Variants in APBB1 observed in about 807,000 individuals in gnomAD.
The protein encoded by APBB1 is amyloid beta precursor protein binding family B member 1.
In APBB1, 22 loss-of-function variants were observed where a neutral mutation model predicts 78.4. That is an observed-to-expected ratio of 0.28 (90% confidence interval 0.20 to 0.40). The LOEUF is 0.40. APBB1 is among the 10% of genes least tolerant of loss of function. APBB1 has a pLI of 1.00. For synonymous variants in APBB1, 369 were observed against 372.7 expected, an observed-to-expected ratio of 0.99 and a Z score of 0.12; for missense variants, 749 against 932.4, an observed-to-expected ratio of 0.80 and a Z score of 2.56.
rs746587329 is a variant in APBB1, at chr11:6,403,639, A to G, written c.897+8T>C. On this transcript the variant is annotated splice_region_variant and intron_variant, in intron 3 of 14. Transcript: ENST00000609360. This position sits in a 1 kb window ranked among gnomAD's most constrained non-coding sequence, Gnocchi z 5.3. ...CTGGCCCAAAATCAACAGGCCTGTG[A>G]GCCTCACCTGGGACTCCTCTTGGGG... is the stretch of plus-strand genomic sequence containing the variant. 6.2e-7 allele frequency: 1 copy of G among 1,610,862 alleles called. No individual in the cohort carries two copies. The highest frequency in any genetic ancestry group is 8.5e-7 in the Non-Finnish European group (1 of 1,177,878).
Position 6,401,075 on chromosome 11 carries a change from A to G in APBB1, c.1589-3T>C. 1.2e-6 allele frequency: 2 copies of G among 1,614,100 alleles called. No homozygotes were observed. The highest frequency in any genetic ancestry group is 1.7e-6 in the Non-Finnish European group (2 of 1,180,022). On this transcript the variant is annotated splice_region_variant and splice_polypyrimidine_tract_variant and intron_variant, in intron 11 of 14. Transcript: ENST00000609360. This position sits in a 1 kb window ranked among gnomAD's most constrained non-coding sequence, Gnocchi z 4.5. ...ATTCTTAGGCGCTGGGAATTCCACT[A>G]TGGGAAAGAAGAGAAGGTTGATCAT... is the stretch of plus-strand genomic sequence containing the variant.
At chr11:6,399,876 C>G (rs1357213251) in intron 12 of APBB1, among the ~76,000 whole-genome samples, 1 of 152,116 alleles carries the variant, frequency 6.6e-6, no homozygotes. Flanking sequence ...CACTGTAGAC[C>G]CTGATCTTCC....
chr11:6,406,875 C>T (rs1238887997), intron 2 of APBB1, among the ~76,000 whole-genome samples: 1 of 152,182 alleles, frequency 6.6e-6, no homozygotes, highest in Non-Finnish European at 1.5e-5. Flanking sequence ...ATCATAACCA[C>T]TTGTTTCTTT....
chr11:6,407,123 C>A (rs1037303781), intron 2 of APBB1, among the ~76,000 whole-genome samples: 2 of 152,230 alleles, frequency 1.3e-5, no homozygotes, highest in Admixed American at 1.3e-4. Context: ...ATTCTAGCCT[C>A]ATTTCTGCAG....
chr11:6,401,823 G>C lies in APBB1; in HGVS notation c.1389-135C>G, dbSNP rs758371804. 1 of 1,421,136 alleles carries C rather than the reference G, an allele frequency of 7.0e-7. No individual in the cohort carries two copies. The highest frequency in any genetic ancestry group is 1.4e-5 in the African/African-American group (1 of 71,128). The allele number at this position is 1,421,136 out of a possible 1,614,324, so 88.0% of individuals were successfully genotyped here. A position where few individuals can be genotyped will look rare whatever the true frequency, so the allele number is the denominator to read the frequency against. On this transcript the variant is annotated intron_variant, in intron 9 of 14. Coordinates refer to ENST00000609360, the MANE Select transcript of APBB1 (RefSeq NM_001164.5). This position sits in a 1 kb window ranked among gnomAD's most constrained non-coding sequence, Gnocchi z 4.5. ...CCACAGCTGGTCCCCCATAGGTGCT[G>C]CCTTCTTGGGGGGGAGGGGTAGACA... is the stretch of plus-strand genomic sequence containing the variant.
At chr11:6,410,294 C>T (rs1008094065) in intron 2 of APBB1, among the ~76,000 whole-genome samples, 4 of 152,160 alleles carry the variant, frequency 2.6e-5, no homozygotes, top group Non-Finnish European at 4.4e-5. Context: ...ATATGGGAAT[C>T]ATCATAATAT....
In APBB1 at chr11:6,411,633, G is replaced by A. The variant is rs190600280; in HGVS notation, c.-14-272C>T. On this transcript the variant is annotated intron_variant, in intron 1 of 14. Transcript: ENST00000609360. The surrounding 1 kb of genome is among the most constrained non-coding windows in gnomAD (Gnocchi z 5.2). ...GATGGCACAGCTGGCGCCTGCCCTC[G>A]GTCCCACCAGCAAGGCCTCCACACA... Among the ~76,000 whole-genome samples, 12 of 152,012 alleles carry A rather than the reference G, an allele frequency of 7.9e-5. No individual in the cohort carries two copies. Among genetic ancestry groups the A allele is most frequent in the Admixed American group, 2.0e-4 (3 of 15,282 alleles).
At chr11:6,402,750 G>A (rs1848592691) in intron 6 of APBB1, 25 bp from the exon 7 acceptor site, 1 of 1,613,560 alleles carries the variant, frequency 6.2e-7, no homozygotes, top group African/African-American at 1.3e-5. Context: ...AGAGGGGCAG[G>A]AGGTAGAGGA....
upstream of APBB1, chr11:6,419,184 C>T (rs1244746591): frequency 3.1e-6 from 1 of 323,422 alleles, no homozygotes; most frequent in African/African-American, 2.2e-5. Context: ...GCTCGGCGGG[C>T]GCGGCACTTG....
chr11:6,403,297 C>T lies in APBB1; in HGVS notation c.1040+22G>A. 6.2e-7 allele frequency: 1 copy of T among 1,612,952 alleles called. No individual in the cohort carries two copies. The highest frequency in any genetic ancestry group is 8.5e-7 in the Non-Finnish European group (1 of 1,179,168). ...CCAGACAGATCCATCCCACTGCCAG[C>T]TCACTGCATCTGGCAGCTCACCTGA... On this transcript the variant is annotated intron_variant, in intron 5 of 14. Coordinates refer to ENST00000609360, the MANE Select transcript of APBB1 (RefSeq NM_001164.5). The surrounding 1 kb of genome is among the most constrained non-coding windows in gnomAD (Gnocchi z 5.3).
chr11:6,404,607 C>T, intron 2 of APBB1: 1 of 1,536,210 alleles, frequency 6.5e-7, no homozygotes, highest in South Asian at 1.2e-5. Context: ...ACACACATAC[C>T]TCGCATCTGT....
At chr11:6,404,894 A>G in intron 2 of APBB1, 3 of 1,501,688 alleles carry the variant, frequency 2.0e-6, no homozygotes, top group Non-Finnish European at 2.7e-6. Context: ...GCTGCAGAGA[A>G]AAGCTCATCC....
intron 1 of APBB1, among the ~76,000 whole-genome samples, chr11:6,414,175 G>T (rs1418966349): frequency 6.6e-6 from 1 of 152,148 alleles, no homozygotes; most frequent in Non-Finnish European, 1.5e-5. Context: ...CACATGAAGC[G>T]TGGCGGATTC....
At chr11:6,408,474 G>A (rs1025736681) in intron 2 of APBB1, among the ~76,000 whole-genome samples, 5 of 151,988 alleles carry the variant, frequency 3.3e-5, no homozygotes, top group Non-Finnish European at 7.4e-5. Flanking sequence ...GGGCAACATG[G>A]TGAGACACTG....
Position 6,403,602 on chromosome 11 carries a change from C to A in APBB1, c.897+45G>T, listed in dbSNP as rs769418094. The A allele has an allele frequency of 1.2e-6, 2 of 1,613,516 alleles. No individual in the cohort carries two copies. Among genetic ancestry groups the A allele is most frequent in the Non-Finnish European group, 1.7e-6 (2 of 1,179,644 alleles). On this transcript the variant is annotated intron_variant, in intron 3 of 14. Transcript: ENST00000609360. The surrounding 1 kb of genome is among the most constrained non-coding windows in gnomAD (Gnocchi z 5.3). Reference sequence around the variant, plus strand: ...TCCTATCCTACTCCAGCAGCACACACTCCCTCCACCCCTGGCCCAAAATCA... The same window carrying A: ...TCCTATCCTACTCCAGCAGCACACAATCCCTCCACCCCTGGCCCAAAATCA...
chr11:6,398,258 C>T (rs1389687729), intron 12 of APBB1, among the ~76,000 whole-genome samples: 1 of 152,030 alleles, frequency 6.6e-6, no homozygotes, highest in Non-Finnish European at 1.5e-5. Context: ...TTCTAACATA[C>T]TCCATGGTTT....
rs1367568677 is a variant in APBB1 at position 6,402,092 on chromosome 11, C to T, written c.1372G>A (p.Asp458Asn). 6.2e-7 allele frequency: 1 copy of T among 1,613,938 alleles called. No homozygotes were observed. Among genetic ancestry groups the T allele is most frequent in the African/African-American group, 1.3e-5 (1 of 74,920 alleles). ...ISIRVWGVGR[D>N]SGRERDFAYV... ...AAGCCCTATTCCCACCTTCCACTGT[C>T]CCGCCCGACGCCCCACACGCGGATG... The change falls in exon 8 of 15, where the codon GAC becomes AAC. Residue 458 changes from aspartate (D) to asparagine (N), a missense_variant. By Grantham distance (23) the Asp-to-Asn change is conservative (BLOSUM62 1). Around this residue, in one of 3 missense-constraint regions of APBB1, gnomAD observed 635 missense variants for 765.0 expected, o/e 0.83. Transcript: ENST00000609360.
intron 6 of APBB1, 154 bp from the exon 7 acceptor site, chr11:6,402,879 G>A: frequency 1.0e-6 from 1 of 996,504 alleles, no homozygotes; most frequent in Non-Finnish European, 1.5e-6. Context: ...ATGTGGTTAG[G>A]GTGAGGGAGA....
Position 6,411,251 on chromosome 11 carries a change from T to C in APBB1, c.97A>G (p.Asn33Asp). 1 of 1,607,086 alleles carries C rather than the reference T, an allele frequency of 6.2e-7. No individual in the cohort carries two copies. The highest frequency in any genetic ancestry group is 8.5e-7 in the Non-Finnish European group (1 of 1,177,328). ...SLPLPLHAAH[N>D]QLLNAKLQAT... ...TGCAGCTTGGCGTTGAGCAGCTGGT[T>C]GTGGGCAGCGTGCAGAGGCAGGGGT... The change falls in exon 2 of 15, where the codon AAC becomes GAC. Residue 33 changes from asparagine (N) to aspartate (D), a missense_variant. By Grantham distance (23) the Asn-to-Asp change is conservative (BLOSUM62 1). Transcript: ENST00000609360. This position sits in a 1 kb window ranked among gnomAD's most constrained non-coding sequence, Gnocchi z 5.2.
Sources: allele counts gnomAD v4.1 joint callset (sites outside exome capture counted in the v4.1 genomes callset), GRCh38; gene constraint gnomAD v4.1.1; regional missense constraint gnomAD v4.1.1; non-coding constraint Gnocchi (gnomAD v3.1); transcripts MANE v1.5; gene names NCBI Gene and HGNC (gene_info 2026-07-23, HGNC 2026-07-21).